The following ZNF385D variants were observed in gnomAD, a reference collection of about 807,000 sequenced individuals.
The protein encoded by ZNF385D is zinc finger protein 385D, also known as zinc finger protein 659.
A neutral mutation model predicts 35.8 loss-of-function variants in ZNF385D; 15 were observed. That is an observed-to-expected ratio of 0.42 (90% confidence interval 0.28 to 0.64). ZNF385D has a LOEUF of 0.64. Ranked by LOEUF, ZNF385D falls within the 30% of genes least tolerant of loss-of-function variation. The probability of loss-of-function intolerance (pLI) is 0.23; values close to 1 mark genes in which losing one functional copy is unlikely to be tolerated. For missense variants in ZNF385D, 474 were observed against 494.6 expected, an observed-to-expected ratio of 0.96 and a Z score of 0.39; for synonymous variants, 212 against 186.8, an observed-to-expected ratio of 1.13 and a Z score of -1.10.
chr3:21,662,383 T>G (rs965136877), intron 2 of ZNF385D, among the ~76,000 whole-genome samples: 7 of 152,256 alleles, frequency 4.6e-5, no homozygotes, highest in African/African-American at 1.7e-4. Context: ...TCCAAAACCT[T>G]AGCATACCCT....
At chr3:22,157,641 T>A (rs183058365) in intron 3 of ZNF385D, among the ~76,000 whole-genome samples, 320 of 152,274 alleles carry the variant, frequency 2.1e-3, no homozygotes, top group Non-Finnish European at 3.5e-3. Flanking sequence ...TATGCATTGA[T>A]TAGTTCACAT....
chr3:22,270,745 C>T (rs1428207983), intron 2 of ZNF385D, among the ~76,000 whole-genome samples: 3 of 151,700 alleles, frequency 2.0e-5, no homozygotes, highest in Non-Finnish European at 4.4e-5. Context: ...TGTTATATAC[C>T]TCTTGAATAA....
chr3:22,127,302 T>C (rs1410489941), intron 3 of ZNF385D, among the ~76,000 whole-genome samples: 1 of 148,224 alleles, frequency 6.7e-6, no homozygotes, highest in Non-Finnish European at 1.5e-5. Flanking sequence ...TCTGGTAGTA[T>C]GTTTTCATTT....
chr3:21,489,227 C>A (rs1047092379), intron 4 of ZNF385D, among the ~76,000 whole-genome samples: 1 of 152,062 alleles, frequency 6.6e-6, no homozygotes, highest in Non-Finnish European at 1.5e-5. Flanking sequence ...AGAGTCTACA[C>A]GGTCCAGGAA....
At chr3:22,074,391 C>G (rs189442366) in intron 3 of ZNF385D, among the ~76,000 whole-genome samples, 5 of 152,114 alleles carry the variant, frequency 3.3e-5, no homozygotes, top group African/African-American at 9.6e-5. Flanking sequence ...GAGAAGCCAA[C>G]TCTTAATTTT....
Position 22,338,658 on chromosome 3 carries a change from A to T in ZNF385D, c.106+33792T>A, listed in dbSNP as rs758860802. Among the ~76,000 whole-genome samples, 15 of 152,140 alleles carry T rather than the reference A, an allele frequency of 9.9e-5. 1 individual carries two copies. Among genetic ancestry groups the T allele is most frequent in the Non-Finnish European group, 1.6e-4 (11 of 67,986 alleles). ...GATTTTTAGTTTTGATATTATAAAT[A>T]AAAAAGTAAAGTTAATGTGCAGCAA... On this transcript the variant is annotated intron_variant, in intron 2 of 5. Transcript: ENST00000494108.
At chr3:21,961,304 T>G (rs867498537) in intron 3 of ZNF385D, 1 of 152,140 alleles carries the variant, frequency 6.6e-6, no homozygotes, top group Non-Finnish European at 1.5e-5. Context: ...AACAGAAACT[T>G]ACAGGAATTT....
intron 1 of ZNF385D, among the ~76,000 whole-genome samples, chr3:21,704,312 T>A (rs550801813): frequency 6.6e-6 from 1 of 152,210 alleles, no homozygotes; most frequent in South Asian, 2.1e-4. Context: ...AAGTGCTGAA[T>A]TCCAGATGAA....
chr3:21,764,294 G>T (rs1233185827), intron 3 of ZNF385D, among the ~76,000 whole-genome samples: 1 of 152,126 alleles, frequency 6.6e-6, no homozygotes, highest in Non-Finnish European at 1.5e-5. Context: ...TTAGTTAGGA[G>T]AAGTAGTTTG....
intron 2 of ZNF385D, among the ~76,000 whole-genome samples, chr3:22,181,241 A>T (rs1351188756): frequency 6.6e-6 from 1 of 152,008 alleles, no homozygotes; most frequent in East Asian, 1.9e-4. Flanking sequence ...ATATGAGAAT[A>T]TTTTCTTATA....
chr3:22,289,339 C>G (rs959969893), intron 2 of ZNF385D, among the ~76,000 whole-genome samples: 2 of 152,142 alleles, frequency 1.3e-5, no homozygotes, highest in East Asian at 3.9e-4. Flanking sequence ...CATACACAAT[C>G]TATTTGTGTG....
chr3:21,669,557 G>T (rs2066499836), intron 1 of ZNF385D, among the ~76,000 whole-genome samples: 1 of 152,100 alleles, frequency 6.6e-6, no homozygotes, highest in South Asian at 2.1e-4. Flanking sequence ...TTGCATTTTT[G>T]AAAAGCAAAT....
intron 2 of ZNF385D, among the ~76,000 whole-genome samples, chr3:22,210,391 G>C (rs931088293): frequency 4.6e-5 from 7 of 151,874 alleles, no homozygotes; most frequent in Non-Finnish European, 1.0e-4. Flanking sequence ...GGTGAGTTGA[G>C]AATTAGGCAA....
intron 4 of ZNF385D, among the ~76,000 whole-genome samples, chr3:21,481,986 T>G (rs763464619): frequency 1.3e-5 from 2 of 152,148 alleles, no homozygotes; most frequent in Non-Finnish European, 2.9e-5. Flanking sequence ...TTTCCCAGTG[T>G]ATGGTTTCCA....
At chr3:22,107,392 T>C (rs2125637038) in intron 3 of ZNF385D, among the ~76,000 whole-genome samples, 2 of 152,172 alleles carry the variant, frequency 1.3e-5, no homozygotes, top group Non-Finnish European at 2.9e-5. Flanking sequence ...TAGATTTTTT[T>C]CTGAGAGTCA....
chr3:22,282,352 T>C (rs78300315), intron 2 of ZNF385D, among the ~76,000 whole-genome samples: 2,029 of 152,200 alleles, frequency 0.013, 43 homozygotes, highest in African/African-American at 0.046. Context: ...TTCAGACTTT[T>C]TGATGTAAAC....
chr3:22,039,938 T>G (rs925585147), intron 3 of ZNF385D, among the ~76,000 whole-genome samples: 14 of 152,158 alleles, frequency 9.2e-5, no homozygotes, highest in African/African-American at 3.4e-4. Flanking sequence ...GAATTGGATG[T>G]AGCCATTACG....
chr3:22,275,321 C>A (rs1019185649), intron 2 of ZNF385D, among the ~76,000 whole-genome samples: 7 of 152,090 alleles, frequency 4.6e-5, no homozygotes, highest in Non-Finnish European at 8.8e-5. Context: ...CAGCCAACAC[C>A]TTCACCTTGA....
intron 2 of ZNF385D, among the ~76,000 whole-genome samples, chr3:21,600,208 G>A (rs1272008522): frequency 2.0e-5 from 3 of 152,148 alleles, no homozygotes; most frequent in African/African-American, 7.2e-5. Flanking sequence ...AGCCCTCAGG[G>A]CAGCTCTGTC....
Sources: gnomAD v4.1 joint callset for allele counts (sites outside exome capture counted in the v4.1 genomes callset) on GRCh38, gnomAD v4.1.1 for gene constraint, MANE v1.5 for transcripts, NCBI Gene and HGNC (gene_info 2026-07-23, HGNC 2026-07-21) for gene names.